TRPM3: variants seen among roughly 807,000 people sequenced by gnomAD.
TRPM3 encodes the protein long transient receptor potential channel 3.
A neutral mutation model predicts 181.2 loss-of-function variants in TRPM3; 77 were observed. The observed-to-expected ratio is 0.42, with a 90% CI of 0.35 to 0.51. The LOEUF (loss-of-function observed/expected upper bound fraction) is 0.51. Ranked by LOEUF, TRPM3 falls within the 20% of genes least tolerant of loss-of-function variation. The pLI, the probability that TRPM3 is intolerant of heterozygous loss-of-function variation, is 0.01. For missense variants in TRPM3, 1,759 were observed against 2,196.7 expected, an observed-to-expected ratio of 0.80 and a Z score of 3.98; for synonymous variants, 745 against 796.4, an observed-to-expected ratio of 0.94 and a Z score of 1.09.
At chr9:70,802,788 A>G (rs1281700386) in intron 6 of TRPM3, among the ~76,000 whole-genome samples, 2 of 152,150 alleles carry the variant, frequency 1.3e-5, no homozygotes, top group Non-Finnish European at 2.9e-5. Context: ...ATTTCACTGC[A>G]CTAGTAAAAT....
chr9:70,967,910 C>G (rs1412804517), intron 1 of TRPM3, among the ~76,000 whole-genome samples: 1 of 152,036 alleles, frequency 6.6e-6, no homozygotes, highest in African/African-American at 2.4e-5. Flanking sequence ...TCCATAGAAA[C>G]GAAGCTGGAA....
intron 1 of TRPM3, among the ~76,000 whole-genome samples, chr9:71,438,114 G>A (rs1023123699): frequency 1.3e-5 from 2 of 152,246 alleles, no homozygotes; most frequent in South Asian, 4.1e-4. Flanking sequence ...ACACCATTGG[G>A]ATGTATTCAG....
At chr9:70,851,180 G>A (rs950946108) in intron 3 of TRPM3, among the ~76,000 whole-genome samples, 3 of 152,014 alleles carry the variant, frequency 2.0e-5, no homozygotes, top group African/African-American at 4.8e-5. Context: ...AGAAAATCCC[G>A]AAAAACAAGA....
In TRPM3 at chr9:70,532,870, A is replaced by T. The variant is rs1269430567; in HGVS notation, c.*3083T>A. ...ATGTGGTGGAATCAATGGGCTGAGC[A>T]TAAGCTGACTGCACAAGGCCACAGA... On this transcript the variant is annotated 3_prime_UTR_variant, in exon 26 of 26. Transcript: ENST00000677713. 1 of 152,250 alleles carries T rather than the reference A, an allele frequency of 6.6e-6. No homozygotes were observed. Among genetic ancestry groups the T allele is most frequent in the Non-Finnish European group, 1.5e-5 (1 of 68,040 alleles). The allele number at this position is 152,250 out of a possible 1,614,324, so 9.4% of individuals were successfully genotyped here. A position where few individuals can be genotyped will look rare whatever the true frequency, so the allele number is the denominator to read the frequency against.
Position 70,992,034 on chromosome 9 carries a change from C to T in TRPM3, c.178-127523G>A, listed in dbSNP as rs79888069. Reference sequence around the variant, plus strand: ...ATACTGGGTCTTTATGCTTTTCAGACTCAGGACAATCACTCATTTCTTTGC... The same window carrying T: ...ATACTGGGTCTTTATGCTTTTCAGATTCAGGACAATCACTCATTTCTTTGC... On this transcript the variant is annotated intron_variant, in intron 1 of 25. Transcript: ENST00000677713. 4.9e-3 allele frequency among the ~76,000 whole-genome samples: 753 copies of T among 152,284 alleles called. 19 individuals carry two copies. The East Asian group carries it at 0.078, about 16-fold the overall frequency.
chr9:70,593,092 C>T (rs893619953), intron 21 of TRPM3, among the ~76,000 whole-genome samples: 9 of 152,134 alleles, frequency 5.9e-5, no homozygotes, highest in African/African-American at 2.2e-4. Flanking sequence ...TCCTTGTATG[C>T]CTTAGGACAC....
chr9:71,284,458 C>A (rs2085109571), intron 1 of TRPM3, among the ~76,000 whole-genome samples: 1 of 152,126 alleles, frequency 6.6e-6, no homozygotes, highest in Admixed American at 6.5e-5. Context: ...TGTCTAATGG[C>A]CTAGGAGACT....
intron 1 of TRPM3, among the ~76,000 whole-genome samples, chr9:71,029,095 A>C (rs1227092410): frequency 2.0e-5 from 3 of 152,278 alleles, no homozygotes; most frequent in East Asian, 3.9e-4. Flanking sequence ...CACAGAACAA[A>C]AAAAAAAACT....
intron 1 of TRPM3, among the ~76,000 whole-genome samples, chr9:71,344,986 A>G (rs978974293): frequency 6.6e-6 from 1 of 152,202 alleles, no homozygotes; most frequent in Non-Finnish European, 1.5e-5. Flanking sequence ...ACAAACATGA[A>G]AAAAGCTCAT....
At chr9:71,116,521 T>G (rs1216381589) in intron 1 of TRPM3, among the ~76,000 whole-genome samples, 1 of 152,198 alleles carries the variant, frequency 6.6e-6, no homozygotes, top group East Asian at 1.9e-4. Flanking sequence ...GGATCTTACT[T>G]TGCTTCAGAG....
chr9:71,309,892 C>T (rs573262230), intron 1 of TRPM3, among the ~76,000 whole-genome samples: 85 of 152,110 alleles, frequency 5.6e-4, no homozygotes, highest in Non-Finnish European at 1.1e-3. Flanking sequence ...TGGGATAAAA[C>T]ATTAAATATT....
chr9:71,152,681 G>C (rs1037785662), intron 1 of TRPM3, among the ~76,000 whole-genome samples: 13 of 152,132 alleles, frequency 8.5e-5, no homozygotes, highest in Non-Finnish European at 1.8e-4. Flanking sequence ...TTGAGGCCAA[G>C]GTTGTCCAAG....
chr9:70,830,788 T>C (rs1423734881), intron 5 of TRPM3, among the ~76,000 whole-genome samples: 1 of 152,326 alleles, frequency 6.6e-6, no homozygotes, highest in Non-Finnish European at 1.5e-5. Flanking sequence ...CACTTACCTC[T>C]TGGGGATTAG....
chr9:70,568,246 T>C (rs909654717), intron 22 of TRPM3, among the ~76,000 whole-genome samples: 4 of 152,142 alleles, frequency 2.6e-5, no homozygotes, highest in Non-Finnish European at 5.9e-5. Context: ...TCAAATAGGG[T>C]TGACATGGAT....
At chr9:70,822,090 A>G (rs1460595636) in intron 6 of TRPM3, among the ~76,000 whole-genome samples, 4 of 152,216 alleles carry the variant, frequency 2.6e-5, no homozygotes, top group Non-Finnish European at 5.9e-5. Flanking sequence ...TTATGTAGAT[A>G]TAGAAGCTAT....
At chr9:71,377,115 CT>C (rs1310924612) in intron 1 of TRPM3, among the ~76,000 whole-genome samples, 1 of 152,044 alleles carries the variant, frequency 6.6e-6, no homozygotes, top group Non-Finnish European at 1.5e-5. Flanking sequence ...ACTGAACAAA[CT>C]TTTTGGAGAT....
intron 1 of TRPM3, among the ~76,000 whole-genome samples, chr9:71,314,053 A>C (rs2088288691): frequency 6.6e-6 from 1 of 152,182 alleles, no homozygotes; most frequent in Non-Finnish European, 1.5e-5. Context: ...TTAAAGGCTG[A>C]GGACCTCACA....
chr9:71,254,593 A>G (rs2082560892), intron 1 of TRPM3, among the ~76,000 whole-genome samples: 1 of 152,020 alleles, frequency 6.6e-6, no homozygotes, highest in African/African-American at 2.4e-5. Flanking sequence ...TACATGATAA[A>G]TATATATGAT....
intron 6 of TRPM3, among the ~76,000 whole-genome samples, chr9:70,785,628 A>G (rs1194580029): frequency 6.6e-6 from 1 of 152,204 alleles, no homozygotes; most frequent in Non-Finnish European, 1.5e-5. Context: ...TGATATCAAG[A>G]AACTGCTTCC....
Sources: gnomAD v4.1 joint callset for allele counts (sites outside exome capture counted in the v4.1 genomes callset) on GRCh38, gnomAD v4.1.1 for gene constraint, MANE v1.5 for transcripts, NCBI Gene and HGNC (gene_info 2026-07-23, HGNC 2026-07-21) for gene names.